The following GPBP1 variants were observed in gnomAD, a reference collection of about 807,000 sequenced individuals.
GPBP1 encodes GC-rich promoter binding protein 1.
Under a neutral mutation model 56.5 loss-of-function variants are expected in GPBP1, and 13 were observed. The ratio of observed to expected loss-of-function variants is 0.23; its 90% CI spans 0.15 to 0.37. The LOEUF (loss-of-function observed/expected upper bound fraction) is 0.37, where lower values mean the gene tolerates loss of function less well. Among genes scored for constraint, GPBP1 ranks in the 10% least tolerant of loss-of-function variants. The pLI is 1.00. For synonymous variants in GPBP1, 204 were observed against 188.9 expected (o/e 1.08, Z -0.66); for missense variants, 477 against 572.3 (o/e 0.83, Z 1.70).
intron 5 of GPBP1, among the ~76,000 whole-genome samples, 190 bp from the exon 6 acceptor site, chr5:57,235,776 A>G (rs529565068): frequency 4.6e-5 from 7 of 152,344 alleles, no homozygotes; most frequent in Admixed American, 2.6e-4. Context: ...AAGTGCTTCA[A>G]TGAGTAGGCA....
At chr5:57,208,655 C>CTTTT (rs70999065) in intron 2 of GPBP1, among the ~76,000 whole-genome samples, 4 of 119,066 alleles carry the variant, frequency 3.4e-5, no homozygotes, top group Non-Finnish European at 5.2e-5. Flanking sequence ...TTTTGTTTTT[C>CTTTT]TTTTTTTTTT....
Position 57,251,152 on chromosome 5 carries a change from G to A in GPBP1, c.1160+11G>A. On this transcript the variant is annotated intron_variant, in intron 10 of 11. Transcript: ENST00000506184. Reference sequence around the variant, plus strand: ...TGAGGCAGAACACAGGCTAGTATTTGTTTGTACTTTTTGCTCAGCATTTTC... The same window carrying A: ...TGAGGCAGAACACAGGCTAGTATTTATTTGTACTTTTTGCTCAGCATTTTC... 1.9e-6 allele frequency: 3 copies of A among 1,565,450 alleles called. No homozygotes were observed. The highest frequency in any genetic ancestry group is 2.6e-6 in the Non-Finnish European group (3 of 1,159,152).
chr5:57,257,746 C>A (rs1373311701), intron 10 of GPBP1, among the ~76,000 whole-genome samples: 1 of 152,190 alleles, frequency 6.6e-6, no homozygotes, highest in Non-Finnish European at 1.5e-5. Context: ...TGAACCATCA[C>A]ACCTGGCCCT....
At chr5:57,175,017 T>C (rs184598315) in intron 1 of GPBP1, among the ~76,000 whole-genome samples, 13 of 152,350 alleles carry the variant, frequency 8.5e-5, no homozygotes, top group African/African-American at 1.9e-4. Flanking sequence ...TTTACACTTA[T>C]CTCTGAGTTA....
chr5:57,206,741 T>C (rs768867205), intron 2 of GPBP1, among the ~76,000 whole-genome samples: 22 of 152,204 alleles, frequency 1.4e-4, no homozygotes, highest in Non-Finnish European at 2.4e-4. Flanking sequence ...GTCTGTTTTT[T>C]TGAAAAGACA....
intron 10 of GPBP1, among the ~76,000 whole-genome samples, chr5:57,251,675 T>C (rs1741400937): frequency 6.6e-6 from 1 of 152,068 alleles, no homozygotes; most frequent in African/African-American, 2.4e-5. Context: ...CTTGTGTGGA[T>C]ATGTTTTTAT....
In GPBP1 at chr5:57,176,525, C is replaced by T. The variant is rs908446557; in HGVS notation, c.-58+125C>T. 2.6e-5 allele frequency: 4 copies of T among 152,174 alleles called. No homozygotes were observed. In the South Asian group the frequency reaches 8.3e-4, roughly 31 times the overall value. The allele number at this position is 152,174 out of a possible 1,614,324, so 9.4% of individuals were successfully genotyped here. On this transcript the variant is annotated intron_variant, in intron 2 of 11. Transcript: ENST00000506184. ...CAGTAACATTGCTTGGTTTCAGTTT[C>T]CTTGACAGTCTGAAAACAACTATTA...
At chr5:57,177,678 T>A (rs1171031265) in intron 2 of GPBP1, among the ~76,000 whole-genome samples, 2 of 114,554 alleles carry the variant, frequency 1.7e-5, no homozygotes, top group African/African-American at 3.3e-5. Context: ...TTTTTTTTTT[T>A]AGTAGAGACC....
chr5:57,247,533 A>AAAATAGCTGGGCATGGTGGTATGTGCCT (rs1741150031), intron 8 of GPBP1, among the ~76,000 whole-genome samples: 2 of 152,114 alleles, frequency 1.3e-5, no homozygotes. Context: ...TACTTAAAAA[A>AAAATAGCTGGGCATGGTGGTATGTGCCT]AAATAGCTGG....
At chr5:57,260,078 AT>A (rs541994946) in intron 10 of GPBP1, among the ~76,000 whole-genome samples, 200 of 152,218 alleles carry the variant, frequency 1.3e-3, no homozygotes, top group African/African-American at 4.6e-3. Flanking sequence ...TGAAAGCTCT[AT>A]TTTTGTCTGC....
chr5:57,248,098 T>G, intron 8 of GPBP1, among the ~76,000 whole-genome samples: 1 of 152,140 alleles, frequency 6.6e-6, no homozygotes, highest in Admixed American at 6.5e-5. Flanking sequence ...AATTTGATAC[T>G]TGTGATAGTT....
chr5:57,210,468 G>A (rs1755428318), intron 2 of GPBP1, among the ~76,000 whole-genome samples: 1 of 152,086 alleles, frequency 6.6e-6, no homozygotes, highest in Non-Finnish European at 1.5e-5. Flanking sequence ...GTATTGGGGG[G>A]CCAGTAGAAG....
Position 57,184,890 on chromosome 5 carries a change from GTTGTT to G in GPBP1, c.-58+8492_-58+8496del, listed in dbSNP as rs536363951. Among the ~76,000 whole-genome samples the G allele has an allele frequency of 3.3e-5, 5 of 152,138 alleles. No individual in the cohort carries two copies. The South Asian group carries it at 8.3e-4, about 25-fold the overall frequency. ...TACAGTGGATTAGCCTTTCATGCATGTTGTTTCATGTATTATAGTTGATGTTTTTA... is the reference window on the plus strand; with the variant it reads ...TACAGTGGATTAGCCTTTCATGCATGTCATGTATTATAGTTGATGTTTTTA... On this transcript the variant is annotated intron_variant, in intron 2 of 11. Coordinates refer to ENST00000506184, the MANE Select transcript of GPBP1 (RefSeq NM_022913.4).
intron 1 of GPBP1, 90 bp downstream of exon 1, chr5:57,174,301 G>C (rs1182683788): frequency 6.5e-6 from 1 of 152,852 alleles, no homozygotes; most frequent in Non-Finnish European, 1.5e-5. Context: ...CGGGAGCGGC[G>C]TTGGTGGCGC....
At chr5:57,207,892 C>T (rs936596840) in intron 2 of GPBP1, among the ~76,000 whole-genome samples, 9 of 152,110 alleles carry the variant, frequency 5.9e-5, no homozygotes, top group Admixed American at 5.2e-4. Context: ...GCATGCTTCC[C>T]TGGACATCCA....
At chr5:57,244,727 A>ATTTTTTTTTTTTT (rs532660984) in intron 6 of GPBP1, among the ~76,000 whole-genome samples, 2 of 93,152 alleles carry the variant, frequency 2.1e-5, no homozygotes, top group Non-Finnish European at 4.0e-5. Flanking sequence ...TTTGTTTGAG[A>ATTTTTTTTTTTTT]TTTTTTTTTT....
chr5:57,236,528 A>G (rs375240074), intron 6 of GPBP1, among the ~76,000 whole-genome samples: 5 of 152,110 alleles, frequency 3.3e-5, no homozygotes, highest in Admixed American at 6.6e-5. Flanking sequence ...GAGCTAGTCT[A>G]TATTTGAAGT....
At position 57,219,911 on chromosome 5, in the gene GPBP1, G is replaced by A. The variant is rs1026335273; in HGVS notation, c.63+5718G>A. On this transcript the variant is annotated intron_variant, in intron 3 of 11. Transcript: ENST00000506184. ...CTACTAAAAGTACAAAACTAGCTGG[G>A]CTTGGTGGCGCGTGCCTGTAATCCT... is the stretch of plus-strand genomic sequence containing the variant. Among the ~76,000 whole-genome samples, 3 of 152,032 alleles carry A rather than the reference G, an allele frequency of 2.0e-5. No homozygotes were observed. In the East Asian group the frequency reaches 5.9e-4, roughly 30 times the overall value.
At chr5:57,215,111 A>G (rs916943627) in intron 3 of GPBP1, among the ~76,000 whole-genome samples, 3 of 152,152 alleles carry the variant, frequency 2.0e-5, no homozygotes, top group African/African-American at 4.8e-5. Flanking sequence ...ACCTTTTTCT[A>G]TACTGTTTTT....
Sources: allele counts gnomAD v4.1 joint callset (sites outside exome capture counted in the v4.1 genomes callset), GRCh38; gene constraint gnomAD v4.1.1; transcripts MANE v1.5; gene names NCBI Gene and HGNC (gene_info 2026-07-23, HGNC 2026-07-21).